SF3B1: variants seen among roughly 807,000 people sequenced by gnomAD.
The protein encoded by SF3B1 is pre-mRNA processing 10.
SF3B1 carries 12 observed loss-of-function variants against 153.8 expected under a neutral mutation model. The ratio of observed to expected loss-of-function variants is 0.08; its 90% CI spans 0.05 to 0.13. SF3B1 has a LOEUF of 0.13. Among genes scored for constraint, SF3B1 ranks in the 10% least tolerant of loss-of-function variants. The pLI, the probability that SF3B1 is intolerant of heterozygous loss-of-function variation, is 1.00. For synonymous variants in SF3B1, 498 were observed against 525.2 expected (o/e 0.95, Z 0.71); for missense variants, 513 against 1,606.1 (o/e 0.32, Z 11.63).
At chr2:197,425,308 A>G (rs1442941455) in intron 1 of SF3B1, among the ~76,000 whole-genome samples, 1 of 152,160 alleles carries the variant, frequency 6.6e-6, no homozygotes, top group African/African-American at 2.4e-5. Flanking sequence ...TCTACTAAAA[A>G]TACAAAAATT....
upstream of SF3B1, chr2:197,435,073 A>T: frequency 6.2e-7 from 1 of 1,611,948 alleles, no homozygotes; most frequent in Non-Finnish European, 8.5e-7. Flanking sequence ...CACGGAGAAA[A>T]ATAGCTGGGG....
chr2:197,405,090 G>A lies in SF3B1; in HGVS notation c.1525C>T (p.Pro509Ser). ...KLLLKIKNGT[P>S]PMRKAALRQI... is the part of the protein sequence containing the mutation. ...CTGGGACTTACCTTTCTCATTGGTGGTGTTCCATTCTTAATTTTTAAAAGC... is the reference window on the plus strand; with the variant it reads ...CTGGGACTTACCTTTCTCATTGGTGATGTTCCATTCTTAATTTTTAAAAGC... Residue 509 changes from proline to serine, a missense_variant, in exon 11 of 25, where the codon CCA (proline) becomes TCA (serine). Pro to Ser is a moderately conservative substitution (Grantham distance 74, BLOSUM62 -1). Transcript: ENST00000335508. The A allele has an allele frequency of 6.3e-7, 1 of 1,598,144 alleles. No individual in the cohort carries two copies.
intron 4 of SF3B1, chr2:197,418,838 C>A: frequency 6.6e-7 from 1 of 1,523,142 alleles, no homozygotes; most frequent in Non-Finnish European, 8.8e-7. Context: ...AAAATGACAG[C>A]ACAGTTTAGA....
chr2:197,400,036 T>G lies in SF3B1; in HGVS notation c.3013+19A>C. On this transcript the variant is annotated intron_variant, in intron 20 of 24. Transcript: ENST00000335508. This position sits in a 1 kb window ranked among gnomAD's most constrained non-coding sequence, Gnocchi z 5.0. ...AGTTAAAACAAGAAAAAGTCTTATGTAACCAGCAAATTCCATACCTATGAC... is the reference window on the plus strand; with the variant it reads ...AGTTAAAACAAGAAAAAGTCTTATGGAACCAGCAAATTCCATACCTATGAC... The G allele has an allele frequency of 1.4e-6, 2 of 1,466,656 alleles. No individual in the cohort carries two copies. The highest frequency in any genetic ancestry group is 1.9e-6 in the Non-Finnish European group (2 of 1,059,270). The allele number at this position is 1,466,656 out of a possible 1,614,324, so 90.9% of individuals were successfully genotyped here. A position where few individuals can be genotyped will look rare whatever the true frequency, so the allele number is the denominator to read the frequency against.
chr2:197,392,343 T>C lies in SF3B1; in HGVS notation c.3875A>G (p.Lys1292Arg), dbSNP rs146507607. The C allele has an allele frequency of 1.4e-5, 21 of 1,457,218 alleles. No homozygotes were observed. The highest frequency in any genetic ancestry group is 8.4e-5 in the African/African-American group (6 of 71,734). 90.3% of individuals were successfully genotyped at this position (1,457,218 alleles called of 1,614,324 possible). The stretch of plus-strand genomic sequence containing the variant: ...AAGTTCATAACGAATATAGGTGTTC[T>C]TATCATCGTTGTAGATTCTTGGGTA... ...AHYPRIYNDD[K>R]NTYIRYELDY... is the part of the protein sequence containing the mutation. Residue 1292 changes from lysine (K) to arginine (R), a missense_variant, in exon 25 of 25, where the codon AAG becomes AGG. Physicochemically the swap from Lys to Arg is conservative, Grantham distance 26. Around this residue, in one of 21 missense-constraint regions of SF3B1, gnomAD observed 33 missense variants for 43.5 expected, o/e 0.76. Coordinates refer to ENST00000335508, the MANE Select transcript of SF3B1 (RefSeq NM_012433.4).
At chr2:197,406,915 C>T (rs1025565531) in intron 9 of SF3B1, among the ~76,000 whole-genome samples, 11 of 151,870 alleles carry the variant, frequency 7.2e-5, no homozygotes, top group Non-Finnish European at 1.6e-4. Flanking sequence ...AGTGAGACTC[C>T]CGTATCTACA....
At chr2:197,415,167 A>C (rs1432883446) in intron 6 of SF3B1, among the ~76,000 whole-genome samples, 2 of 149,948 alleles carry the variant, frequency 1.3e-5, no homozygotes, top group African/African-American at 4.9e-5. Flanking sequence ...CTGATAATCT[A>C]GTATGGAGAA....
rs1164093794 is a variant in SF3B1, at chr2:197,401,226, T to C, written c.2496+174A>G. Among the ~76,000 whole-genome samples, 2 of 152,104 alleles carry C rather than the reference T, an allele frequency of 1.3e-5. No individual in the cohort carries two copies. The highest frequency in any genetic ancestry group is 2.4e-5 in the African/African-American group (1 of 41,436). ...TCACAGTTAAGTATTAATCCTCGAA[T>C]CCAAAATCAAAATGGAAGTTAACTG... On this transcript the variant is annotated intron_variant, in intron 17 of 24. Coordinates refer to ENST00000335508, the MANE Select transcript of SF3B1 (RefSeq NM_012433.4). This position sits in a 1 kb window ranked among gnomAD's most constrained non-coding sequence, Gnocchi z 4.2.
At chr2:197,417,838 C>T (rs146497762) in intron 5 of SF3B1, among the ~76,000 whole-genome samples, 209 of 152,166 alleles carry the variant, frequency 1.4e-3, no homozygotes, top group African/African-American at 4.4e-3. Context: ...CAAAATTCTC[C>T]ACTTACATCC....
chr2:197,418,233 CCAAAAAAA>C (rs1559273961), intron 5 of SF3B1, among the ~76,000 whole-genome samples: 1 of 4,606 alleles, frequency 2.2e-4, no homozygotes, highest in South Asian at 0.01. Flanking sequence ...GAGACTGTGT[CCAAAAAAA>C]AAAAAAAAAA....
intron 1 of SF3B1, among the ~76,000 whole-genome samples, chr2:197,424,294 T>G (rs2085296187): frequency 6.6e-6 from 1 of 152,068 alleles, no homozygotes; most frequent in Admixed American, 6.6e-5. Context: ...GGTCAGGAGT[T>G]CGAGACCAAC....
At chr2:197,410,500 A>C (rs1230137392) in intron 6 of SF3B1, among the ~76,000 whole-genome samples, 1 of 113,722 alleles carries the variant, frequency 8.8e-6, no homozygotes, top group African/African-American at 3.7e-5. Context: ...TCACCTATGT[A>C]ATTTTTTTTT....
At chr2:197,417,050 C>T (rs2085158169) in intron 5 of SF3B1, 139 bp from the exon 6 acceptor site, 3 of 816,746 alleles carry the variant, frequency 3.7e-6, no homozygotes, top group African/African-American at 1.7e-5. Context: ...CCTTTCTACG[C>T]TCGCTGGTTC....
intron 1 of SF3B1, 80 bp downstream of exon 1, chr2:197,434,892 A>G (rs2106030985): frequency 6.8e-7 from 1 of 1,479,778 alleles, no homozygotes; most frequent in Non-Finnish European, 9.4e-7. Context: ...GAAACCATAG[A>G]AAAAGGCAGA....
rs947718400 is a variant in SF3B1 at position 197,407,989 on chromosome 2, A to G, written c.1239+9T>C. The G allele has an allele frequency of 3.7e-6, 6 of 1,608,414 alleles. No homozygotes were observed. Among genetic ancestry groups the G allele is most frequent in the Non-Finnish European group, 5.1e-6 (6 of 1,176,562 alleles). The stretch of plus-strand genomic sequence containing the variant: ...CTAAATACCACCTCATTCAAATTTG[A>G]TGTACTACCTTATATCCTTCTGGGA... On this transcript the variant is annotated intron_variant, in intron 9 of 24. Coordinates refer to ENST00000335508, the MANE Select transcript of SF3B1 (RefSeq NM_012433.4).
intron 11 of SF3B1, chr2:197,404,643 T>C (rs1162181421): frequency 2.0e-5 from 3 of 152,280 alleles, no homozygotes; most frequent in East Asian, 3.8e-4. Context: ...ACTACATAAA[T>C]TTTTTCCCCT....
intron 1 of SF3B1, among the ~76,000 whole-genome samples, chr2:197,431,243 G>C (rs527471050): frequency 2.0e-5 from 3 of 149,994 alleles, no homozygotes; most frequent in Non-Finnish European, 4.4e-5. Flanking sequence ...ACAGCCTCCC[G>C]AGGAGCTGGG....
intron 23 of SF3B1, among the ~76,000 whole-genome samples, chr2:197,393,744 C>T (rs1293716618): frequency 3.3e-5 from 5 of 152,120 alleles, no homozygotes; most frequent in Non-Finnish European, 7.4e-5. Context: ...AGCCACCGTG[C>T]CTGGCCATCT....
chr2:197,394,440 T>C (rs749657513), intron 23 of SF3B1, among the ~76,000 whole-genome samples: 3 of 152,180 alleles, frequency 2.0e-5, no homozygotes, highest in Non-Finnish European at 2.9e-5. Context: ...ATAACTCAAT[T>C]TGGGGAGAGG....
Sources: gnomAD v4.1 joint callset for allele counts (sites outside exome capture counted in the v4.1 genomes callset) on GRCh38, gnomAD v4.1.1 for gene constraint, gnomAD v4.1.1 regional missense constraint, Gnocchi (gnomAD v3.1) non-coding constraint, MANE v1.5 for transcripts, NCBI Gene and HGNC (gene_info 2026-07-23, HGNC 2026-07-21) for gene names.